Variants in ADGRL4 observed in about 807,000 individuals in gnomAD.
ADGRL4 encodes the protein EGF, latrophilin and seven transmembrane domain containing 1.
Under a neutral mutation model 74.8 loss-of-function variants are expected in ADGRL4, and 90 were observed. The observed-to-expected ratio is 1.20, with a 90% CI of 1.02 to 1.43. The LOEUF (loss-of-function observed/expected upper bound fraction) is 1.43, where lower values mean the gene tolerates loss of function less well. Ranked by LOEUF, ADGRL4 falls within the 40% of genes most tolerant of loss-of-function variation. The probability of loss-of-function intolerance (pLI) is 0.00; values close to 1 mark genes in which losing one functional copy is unlikely to be tolerated. For missense variants in ADGRL4, 881 were observed against 814.3 expected (o/e 1.08, Z -1.00); for synonymous variants, 311 against 279.2 (o/e 1.11, Z -1.14).
chr1:78,969,856 A>T (rs957276072), intron 2 of ADGRL4, among the ~76,000 whole-genome samples: 2 of 152,182 alleles, frequency 1.3e-5, no homozygotes, highest in African/African-American at 4.8e-5. Flanking sequence ...ATCAGCTTCC[A>T]GCTGCAGTTC....
intron 7 of ADGRL4, among the ~76,000 whole-genome samples, chr1:78,930,686 T>TTTG: frequency 6.6e-6 from 1 of 151,190 alleles, no homozygotes; most frequent in South Asian, 2.1e-4. Flanking sequence ...CCTGACCTCA[T>TTTG]GATCCACCCA....
intron 2 of ADGRL4, among the ~76,000 whole-genome samples, chr1:78,995,432 T>G (rs1234139335): frequency 6.6e-6 from 1 of 152,160 alleles, no homozygotes; most frequent in Non-Finnish European, 1.5e-5. Flanking sequence ...ACATCCTGGC[T>G]CATCAGGAAA....
In ADGRL4 at chr1:78,917,954, C is replaced by A. The variant is rs1648913163; in HGVS notation, c.1558G>T (p.Val520Leu). Residue 520 changes from valine (V) to leucine (L), a missense_variant, in exon 11 of 15, where the codon GTG (valine) becomes TTG (leucine). Coordinates refer to ENST00000370742, the MANE Select transcript of ADGRL4 (RefSeq NM_022159.4). ...AATCCCTTGTTGTAGATGACACCCACAACAATGAGATAGAGATGTATGCCT... is the reference window on the plus strand; with the variant it reads ...AATCCCTTGTTGTAGATGACACCCAAAACAATGAGATAGAGATGTATGCCT... ...IEGIHLYLIV[V>L]GVIYNKGFLH... is the part of the protein sequence containing the mutation. 1 of 1,611,910 alleles carries A rather than the reference C, an allele frequency of 6.2e-7. No homozygotes were observed. The highest frequency in any genetic ancestry group is 1.1e-5 in the South Asian group (1 of 91,054).
At chr1:78,901,260 T>C (rs1488654304) in intron 12 of ADGRL4, among the ~76,000 whole-genome samples, 1 of 152,202 alleles carries the variant, frequency 6.6e-6, no homozygotes, top group Non-Finnish European at 1.5e-5. Context: ...TCACATCTGA[T>C]CTTTTTATAA....
At chr1:78,992,607 C>A (rs1402259001) in intron 2 of ADGRL4, among the ~76,000 whole-genome samples, 1 of 152,026 alleles carries the variant, frequency 6.6e-6, no homozygotes, top group Non-Finnish European at 1.5e-5. Context: ...CAACTACACA[C>A]AAAAGGTTAA....
At position 78,891,602 on chromosome 1, in the gene ADGRL4, A is replaced by C; in HGVS notation, c.1932T>G (p.Val644=). ...GVLHVVHASV[V]TAYLFTVSNA... ...TGCTGACTGTGAAGAGGTAAGCTGT[A>C]ACCACTGATGCGTGCACAACATGGA... The change falls in exon 14 of 15, where the codon GTT becomes GTG. Residue 644 remains valine (V), a synonymous_variant. Coordinates refer to ENST00000370742, the MANE Select transcript of ADGRL4 (RefSeq NM_022159.4). 6.2e-7 allele frequency: 1 copy of C among 1,613,562 alleles called. No homozygotes were observed. The highest frequency in any genetic ancestry group is 1.1e-5 in the South Asian group (1 of 91,064).
chr1:78,940,285 G>A (rs1038904447), intron 3 of ADGRL4, among the ~76,000 whole-genome samples: 3 of 152,060 alleles, frequency 2.0e-5, no homozygotes, highest in African/African-American at 7.2e-5. Context: ...ATAGCAGAAC[G>A]TGTGATTGAA....
chr1:78,972,058 ATTATT>A (rs1368229361), intron 2 of ADGRL4, among the ~76,000 whole-genome samples: 36 of 152,306 alleles, frequency 2.4e-4, no homozygotes. Flanking sequence ...CCCGGCCAGG[ATTATT>A]TTAAGGATTA....
chr1:78,939,196 A>C lies in ADGRL4; in HGVS notation c.388T>G (p.Leu130Val). 1 of 1,560,682 alleles carries C rather than the reference A, an allele frequency of 6.4e-7. No homozygotes were observed. Among genetic ancestry groups the C allele is most frequent in the Non-Finnish European group, 8.6e-7 (1 of 1,158,432 alleles). ...TTAACTGTTCTACTTACTTTTGTTA[A>C]AGTTTTATTAATATTTGCAGCTATA... ...VCIAANINKT[L>V]TKIRSIKEPV... Residue 130 changes from leucine (L) to valine (V), a missense_variant, in exon 4 of 15, where the codon TTA (leucine) becomes GTA (valine). Transcript: ENST00000370742.
chr1:78,972,379 C>T (rs1045324826), intron 2 of ADGRL4, among the ~76,000 whole-genome samples: 10 of 152,012 alleles, frequency 6.6e-5, no homozygotes, highest in African/African-American at 2.2e-4. Context: ...AATTAATAGA[C>T]CTCATAAATA....
In ADGRL4 at chr1:78,939,041, A is replaced by G. The variant is rs373408951; in HGVS notation, c.396+147T>C. The G allele has an allele frequency of 9.8e-5, 104 of 1,065,458 alleles. No individual in the cohort carries two copies. The African/African-American group carries it at 1.5e-3, about 15-fold the overall frequency. The allele number at this position is 1,065,458 out of a possible 1,614,324, so 66.0% of individuals were successfully genotyped here. On this transcript the variant is annotated intron_variant, in intron 4 of 14. Transcript: ENST00000370742. The stretch of plus-strand genomic sequence containing the variant: ...AATTAACCCTATCTTTGATGCAAAC[A>G]TGATGCTTAGATCTCTATATGTAAA...
At chr1:78,954,061 G>C (rs544253504) in intron 2 of ADGRL4, among the ~76,000 whole-genome samples, 1 of 152,074 alleles carries the variant, frequency 6.6e-6, no homozygotes, top group Non-Finnish European at 1.5e-5. Context: ...CAGGAGAATC[G>C]CTTGAACCTG....
chr1:79,005,991 G>C (rs1161877542), intron 1 of ADGRL4, among the ~76,000 whole-genome samples: 2 of 152,152 alleles, frequency 1.3e-5, no homozygotes, highest in Admixed American at 1.3e-4. Flanking sequence ...AATACATTTG[G>C]AAATTATATG....
intron 12 of ADGRL4, among the ~76,000 whole-genome samples, chr1:78,894,009 T>C (rs890875490): frequency 6.6e-6 from 1 of 151,790 alleles, no homozygotes; most frequent in African/African-American, 2.4e-5. Context: ...ATGCCAATAA[T>C]TTAAAATATT....
chr1:79,002,339 G>T (rs931966288), intron 2 of ADGRL4, among the ~76,000 whole-genome samples: 1 of 152,056 alleles, frequency 6.6e-6, no homozygotes, highest in Non-Finnish European at 1.5e-5. Context: ...ACCATACAAC[G>T]TTTTGAAAAA....
chr1:79,005,736 G>T (rs1650949220), intron 1 of ADGRL4, among the ~76,000 whole-genome samples: 2 of 151,994 alleles, frequency 1.3e-5, no homozygotes, highest in Non-Finnish European at 2.9e-5. Context: ...GTGTTCTAAT[G>T]ATTGTTTTCA....
intron 2 of ADGRL4, among the ~76,000 whole-genome samples, chr1:79,002,333 T>C (rs1251441006): frequency 6.6e-6 from 1 of 152,148 alleles, no homozygotes; most frequent in Non-Finnish European, 1.5e-5. Flanking sequence ...TTTATAACCA[T>C]ACAACGTTTT....
intron 2 of ADGRL4, among the ~76,000 whole-genome samples, chr1:78,964,094 G>A (rs2100710900): frequency 6.6e-6 from 1 of 152,148 alleles, no homozygotes; most frequent in African/African-American, 2.4e-5. Context: ...CTTATTTTCT[G>A]GAACAGTGAT....
chr1:78,930,859 T>C (rs1471593590), intron 7 of ADGRL4, among the ~76,000 whole-genome samples: 1 of 151,426 alleles, frequency 6.6e-6, no homozygotes. Flanking sequence ...ATCATCCATA[T>C]AAGAAGGATA....
Sources: gnomAD v4.1 joint callset for allele counts (sites outside exome capture counted in the v4.1 genomes callset) on GRCh38, gnomAD v4.1.1 for gene constraint, MANE v1.5 for transcripts, NCBI Gene and HGNC (gene_info 2026-07-23, HGNC 2026-07-21) for gene names.